The following CCDC3 variants were observed in gnomAD, a reference collection of about 807,000 sequenced individuals.
The protein encoded by CCDC3 is coiled-coil domain containing 3, also known as coiled-coil domain-containing protein 3.
In CCDC3, 24 loss-of-function variants were observed where a neutral mutation model predicts 21.4. The ratio of observed to expected loss-of-function variants is 1.12; its 90% confidence interval spans 0.81 to 1.58. The LOEUF (loss-of-function observed/expected upper bound fraction) is 1.58, where lower values mean the gene tolerates loss of function less well. Among genes scored for constraint, CCDC3 ranks in the 40% most tolerant of loss-of-function variants. The pLI is 0.00. For synonymous variants in CCDC3, 186 were observed against 166.0 expected (o/e 1.12, Z -0.93); for missense variants, 425 against 360.9 (o/e 1.18, Z -1.44).
intron 2 of CCDC3, among the ~76,000 whole-genome samples, chr10:12,917,653 C>T (rs1834380947): frequency 6.6e-6 from 1 of 152,186 alleles, no homozygotes; most frequent in Admixed American, 6.5e-5. Context: ...ATCTTGCTGA[C>T]ATCCTATTTC....
intron 4 of CCDC3, among the ~76,000 whole-genome samples, chr10:13,056,227 C>G (rs1836678692): frequency 6.6e-6 from 1 of 152,142 alleles, no homozygotes; most frequent in South Asian, 2.1e-4. Context: ...CATCTTCAGC[C>G]CATGACCTCC....
chr10:12,909,133 G>C (rs931510340), intron 2 of CCDC3, among the ~76,000 whole-genome samples: 1 of 152,172 alleles, frequency 6.6e-6, no homozygotes, highest in Non-Finnish European at 1.5e-5. Context: ...TGCTTGTTTA[G>C]TCAAAGCCTC....
rs143103946 is a variant in CCDC3, at chr10:12,970,630, G to A, written c.549+27708C>T. Among the ~76,000 whole-genome samples, 983 of 152,304 alleles carry A rather than the reference G, an allele frequency of 6.5e-3. 7 individuals carry two copies. The highest frequency in any genetic ancestry group is 0.022 in the African/African-American group (927 of 41,568). On this transcript the variant is annotated intron_variant, in intron 2 of 2. Coordinates refer to ENST00000378825, the MANE Select transcript of CCDC3 (RefSeq NM_031455.4). The stretch of plus-strand genomic sequence containing the variant: ...ACGGTGGCTCACGCCTGTAATCCCA[G>A]CACTTTGGGAGGCCGAGGCAGGGCA...
At chr10:13,077,726 T>G (rs1417697616) in intron 3 of CCDC3, among the ~76,000 whole-genome samples, 1 of 152,198 alleles carries the variant, frequency 6.6e-6, no homozygotes, top group African/African-American at 2.4e-5. Flanking sequence ...TCATCTGATC[T>G]TTGACAAACC....
chr10:12,971,451 G>T (rs770901681), intron 2 of CCDC3, among the ~76,000 whole-genome samples: 1 of 152,190 alleles, frequency 6.6e-6, no homozygotes, highest in Non-Finnish European at 1.5e-5. Context: ...ATGCAGAAAA[G>T]AAGGAACCCA....
At chr10:12,983,292 G>A (rs1835535402) in intron 2 of CCDC3, among the ~76,000 whole-genome samples, 1 of 151,218 alleles carries the variant, frequency 6.6e-6, no homozygotes, top group Non-Finnish European at 1.5e-5. Context: ...TTTGAAAACA[G>A]CAGGGAGTGG....
chr10:13,038,551 T>C (rs1263525045), intron 5 of CCDC3, among the ~76,000 whole-genome samples: 2 of 152,118 alleles, frequency 1.3e-5, no homozygotes, highest in Non-Finnish European at 2.9e-5. Flanking sequence ...CAGACAAATA[T>C]ATAGGACTTG....
At chr10:13,029,997 A>G (rs188572512) in intron 5 of CCDC3, among the ~76,000 whole-genome samples, 41 of 152,320 alleles carry the variant, frequency 2.7e-4, no homozygotes, top group African/African-American at 9.4e-4. Flanking sequence ...AGAAAGCCAC[A>G]AAGATACTCC....
chr10:12,990,024 G>C (rs989958866), intron 2 of CCDC3, among the ~76,000 whole-genome samples: 1 of 151,948 alleles, frequency 6.6e-6, no homozygotes, highest in Non-Finnish European at 1.5e-5. Flanking sequence ...AGGCCGAGGC[G>C]GGCAGATCAT....
At position 13,001,411 on chromosome 10, in the gene CCDC3, C is replaced by T. The variant is rs758351097; in HGVS notation, c.160G>A (p.Glu54Lys). The change falls in exon 1 of 3, where the codon GAG becomes AAG. Residue 54 changes from glutamate (E) to lysine (K), a missense_variant. Transcript: ENST00000378825. ...VYARVLALHP[E>K]APGLYNHLPW... ...AGGTGGTTGTAGAGGCCGGGCGCCTCGGGGTGCAGCGCCAGCACCCTGGCG... is the reference window on the plus strand; with the variant it reads ...AGGTGGTTGTAGAGGCCGGGCGCCTTGGGGTGCAGCGCCAGCACCCTGGCG... The T allele has an allele frequency of 1.3e-6, 2 of 1,555,290 alleles. No homozygotes were observed. Among genetic ancestry groups the T allele is most frequent in the South Asian group, 1.2e-5 (1 of 83,452 alleles).
At chr10:13,032,813 T>C (rs1589045900) in intron 5 of CCDC3, among the ~76,000 whole-genome samples, 1 of 152,128 alleles carries the variant, frequency 6.6e-6, no homozygotes, top group Non-Finnish European at 1.5e-5. Flanking sequence ...CAAGAAGAAC[T>C]ACAAAACACT....
intron 4 of CCDC3, among the ~76,000 whole-genome samples, chr10:13,061,027 A>G (rs1166072612): frequency 1.3e-5 from 2 of 152,208 alleles, no homozygotes; most frequent in African/African-American, 4.8e-5. Flanking sequence ...TCCTTGTTCC[A>G]TAATTTTCCA....
At chr10:13,084,359 C>A (rs984876265) in intron 3 of CCDC3, among the ~76,000 whole-genome samples, 33 of 151,070 alleles carry the variant, frequency 2.2e-4, no homozygotes, top group African/African-American at 7.6e-4. Flanking sequence ...AATCTCTGCT[C>A]ACCACAACCT....
At chr10:13,002,900 G>C (rs1004962403), upstream of CCDC3, among the ~76,000 whole-genome samples, 2 of 152,168 alleles carry the variant, frequency 1.3e-5, no homozygotes, top group African/African-American at 4.8e-5. Flanking sequence ...CCTTCTCTCT[G>C]TGTGTGATGG....
intron 2 of CCDC3, among the ~76,000 whole-genome samples, chr10:12,917,432 G>A (rs773377877): frequency 7.9e-5 from 12 of 151,846 alleles, no homozygotes; most frequent in Admixed American, 2.6e-4. Flanking sequence ...TCCTGACCTC[G>A]TGATCCGCCC....
At chr10:13,095,675 G>A (rs1042182565) in intron 3 of CCDC3, among the ~76,000 whole-genome samples, 1 of 152,174 alleles carries the variant, frequency 6.6e-6, no homozygotes, top group Non-Finnish European at 1.5e-5. Context: ...GGCCAGTACT[G>A]GTTCACCACC....
intron 2 of CCDC3, among the ~76,000 whole-genome samples, chr10:12,960,889 T>C (rs1031220127): frequency 5.3e-5 from 8 of 152,138 alleles, no homozygotes; most frequent in Non-Finnish European, 1.2e-4. Flanking sequence ...ATAGAAAGCA[T>C]TCTGCACAAA....
At chr10:13,093,610 G>C (rs374101928) in intron 3 of CCDC3, among the ~76,000 whole-genome samples, 2 of 152,082 alleles carry the variant, frequency 1.3e-5, no homozygotes, top group East Asian at 3.9e-4. Context: ...GAAGCTAAGA[G>C]GTTATCTATC....
At position 12,940,094 on chromosome 10, in the gene CCDC3, G is replaced by C. The variant is rs145385477; in HGVS notation, c.550-41415C>G. 2.1e-3 allele frequency among the ~76,000 whole-genome samples: 324 copies of C among 152,044 alleles called. 3 individuals are homozygous for C. The highest frequency in any genetic ancestry group is 7.5e-3 in the African/African-American group (311 of 41,474). On this transcript the variant is annotated intron_variant, in intron 2 of 2. Transcript: ENST00000378825. ...TAAAAACATACTGTTTTTTTTCTGA[G>C]AAAGTGCAGAACCCCATTGGTGGAT...
Sources: allele counts gnomAD v4.1 joint callset (sites outside exome capture counted in the v4.1 genomes callset), GRCh38; gene constraint gnomAD v4.1.1; transcripts MANE v1.5; gene names NCBI Gene and HGNC (gene_info 2026-07-23, HGNC 2026-07-21).